Variants in BDP1 observed in about 807,000 individuals in gnomAD.
The protein encoded by BDP1 is BDP1 general transcription factor IIIB subunit, also known as transcription factor TFIIIB component B'' homolog.
BDP1 carries 169 observed loss-of-function variants against 266.6 expected under a neutral mutation model. That is an observed-to-expected ratio of 0.63 (90% CI 0.56 to 0.72). The LOEUF (loss-of-function observed/expected upper bound fraction) is 0.72. BDP1 is among the 30% of genes least tolerant of loss of function. The pLI is 0.00. For synonymous variants in BDP1, 1,090 were observed against 1,022.4 expected (o/e 1.07, Z -1.26); for missense variants, 3,015 against 3,053.8 (o/e 0.99, Z 0.30).
intron 5 of BDP1, among the ~76,000 whole-genome samples, chr5:71,466,922 G>A (rs559363255): frequency 6.6e-6 from 1 of 152,226 alleles, no homozygotes; most frequent in East Asian, 1.9e-4. Flanking sequence ...AGTTTGTGAT[G>A]ATGATTTTAC....
the BDP1 span, among the ~76,000 whole-genome samples, chr5:71,575,452 T>C: frequency 6.6e-6 from 1 of 152,194 alleles, no homozygotes; most frequent in Non-Finnish European, 1.5e-5. Flanking sequence ...GCAGGACACA[T>C]AGAGGAGTCA....
chr5:71,560,595 AAAT>A (rs1453608681), intron 37 of BDP1, among the ~76,000 whole-genome samples: 1 of 152,232 alleles, frequency 6.6e-6, no homozygotes, highest in African/African-American at 2.4e-5. Context: ...CTGAAGTCCC[AAAT>A]AATGTGTCAT....
At position 71,478,111 on chromosome 5, in the gene BDP1, G is replaced by A. The variant is rs528035577; in HGVS notation, c.1015-5731G>A. Among the ~76,000 whole-genome samples the A allele has an allele frequency of 1.3e-4, 20 of 152,236 alleles. No homozygotes were observed. In the South Asian group the frequency reaches 2.5e-3, roughly 19 times the overall value. ...ACTAAAAATACAAAATTAGCCAGGC[G>A]TGGTGGCACATGCCTGTAATCCCAG... is the stretch of plus-strand genomic sequence containing the variant. On this transcript the variant is annotated intron_variant, in intron 7 of 38. Transcript: ENST00000358731.
At chr5:71,481,047 G>A (rs1182733988) in intron 7 of BDP1, among the ~76,000 whole-genome samples, 7 of 151,902 alleles carry the variant, frequency 4.6e-5, no homozygotes, top group Non-Finnish European at 8.8e-5. Context: ...GGTGGCGTGC[G>A]CCTGTAGTCC....
intron 35 of BDP1, 141 bp downstream of exon 35, chr5:71,553,461 G>T: frequency 1.7e-6 from 1 of 580,394 alleles, no homozygotes; most frequent in Non-Finnish European, 2.9e-6. Flanking sequence ...ATCATCATAA[G>T]TTATTCAAGT....
At chr5:71,553,385 C>G (rs1742993989) in intron 35 of BDP1, 65 bp downstream of exon 35, 3 of 1,123,118 alleles carry the variant, frequency 2.7e-6, no homozygotes, top group South Asian at 1.5e-5. Flanking sequence ...TGCAACAGAT[C>G]TGTTCCTATT....
chr5:71,484,871 C>CATTAT (rs1488467259), intron 8 of BDP1, among the ~76,000 whole-genome samples: 1 of 151,956 alleles, frequency 6.6e-6, no homozygotes, highest in Admixed American at 6.6e-5. Flanking sequence ...AGAGTACCTA[C>CATTAT]ATTATGTAGC....
At chr5:71,578,247 C>T in the BDP1 span, among the ~76,000 whole-genome samples, 1 of 152,158 alleles carries the variant, frequency 6.6e-6, no homozygotes, top group South Asian at 2.1e-4. Flanking sequence ...GGGCCCTTGT[C>T]CACTAGAGGC....
At chr5:71,555,396 G>C (rs1278548304) in intron 35 of BDP1, among the ~76,000 whole-genome samples, 1 of 150,968 alleles carries the variant, frequency 6.6e-6, no homozygotes, top group Admixed American at 6.6e-5. Flanking sequence ...ATTTGTTCTG[G>C]GGCCAGTATC....
intron 11 of BDP1, among the ~76,000 whole-genome samples, chr5:71,491,747 G>T (rs1763611086): frequency 6.6e-6 from 1 of 151,852 alleles, no homozygotes; most frequent in South Asian, 2.1e-4. Context: ...AGATGGGGTC[G>T]GTCTCTGTCA....
Position 71,512,418 on chromosome 5 carries a change from A to T in BDP1, c.4237A>T (p.Ile1413Phe). 1 of 1,538,654 alleles carries T rather than the reference A, an allele frequency of 6.5e-7. No individual in the cohort carries two copies. The change falls in exon 18 of 39, where the codon ATT becomes TTT. Residue 1413 changes from isoleucine to phenylalanine, a missense_variant. Ile to Phe is a conservative substitution (Grantham distance 21). Coordinates refer to ENST00000358731, the MANE Select transcript of BDP1 (RefSeq NM_018429.3). ...AGATGTTCCAGAGCAGTTTTCAGAT[A>T]TTAATTTAAGGTACAAGTGTGTTTT... ...SPDVPEQFSD[I>F]NLSKSLPQEQ...
intron 17 of BDP1, 190 bp downstream of exon 17, chr5:71,511,341 C>A (rs1241860320): frequency 1.6e-6 from 1 of 622,918 alleles, no homozygotes; most frequent in Non-Finnish European, 2.7e-6. Context: ...AAAAAGATAA[C>A]TTTAGGCTGG....
chr5:71,462,123 C>T (rs374906110), intron 3 of BDP1, among the ~76,000 whole-genome samples, 197 bp downstream of exon 3: 3 of 151,942 alleles, frequency 2.0e-5, no homozygotes, highest in Non-Finnish European at 4.4e-5. Context: ...CCACCACACC[C>T]GGCTAATTTT....
In BDP1 at chr5:71,514,882, T is replaced by C; in HGVS notation, c.4471-62T>C. ...CGAAGATGATATCAGTTTATACTTG[T>C]AAAGTTCTTATTTCCTTATACTTTT... On this transcript the variant is annotated intron_variant, in intron 19 of 38. Coordinates refer to ENST00000358731, the MANE Select transcript of BDP1 (RefSeq NM_018429.3). 6 of 1,211,590 alleles carry C rather than the reference T, an allele frequency of 5.0e-6. No homozygotes were observed. The South Asian group carries it at 8.6e-5, about 17-fold the overall frequency. 75.1% of individuals were successfully genotyped at this position (1,211,590 alleles called of 1,614,324 possible).
chr5:71,536,043 T>C (rs1766577054), intron 26 of BDP1, among the ~76,000 whole-genome samples: 1 of 152,230 alleles, frequency 6.6e-6, no homozygotes, highest in Admixed American at 6.5e-5. Flanking sequence ...TATTTCTTTT[T>C]CTTGCCTAAC....
At position 71,458,852 on chromosome 5, in the gene BDP1, G is replaced by A; in HGVS notation, c.486G>A (p.Glu162=). ...REMLKEELRK[E]KKQWKNKYAI... ...TGTTAAAAGAAGAATTGAGAAAAGAGAAGGTAAGGGAGGAGAATCAGGATT... is the reference window on the plus strand; with the variant it reads ...TGTTAAAAGAAGAATTGAGAAAAGAAAAGGTAAGGGAGGAGAATCAGGATT... The change falls in exon 2 of 39, where the codon GAG becomes GAA. Residue 162 remains glutamate, a synonymous_variant. Transcript: ENST00000358731. The A allele has an allele frequency of 3.7e-6, 6 of 1,605,380 alleles. No individual in the cohort carries two copies. The highest frequency in any genetic ancestry group is 5.1e-6 in the Non-Finnish European group (6 of 1,177,694).
At position 71,515,035 on chromosome 5, in the gene BDP1, G is replaced by GGA; in HGVS notation, c.4563_4564dup (p.Asn1522ArgfsTer34). 6.2e-7 allele frequency: 1 copy of GGA among 1,613,132 alleles called. No individual in the cohort carries two copies. Among genetic ancestry groups the GGA allele is most frequent in the Non-Finnish European group, 8.5e-7 (1 of 1,179,588 alleles). ...ATATTGCCATGTACACAGACTGAAAGGAACCTTTCACCTTCAAATTCTTGT... is the reference window on the plus strand; with the variant it reads ...ATATTGCCATGTACACAGACTGAAAGGAGAACCTTTCACCTTCAAATTCTTGT... On this transcript the variant is annotated frameshift_variant, in exon 20 of 39. Transcript: ENST00000358731. LOFTEE classifies it high-confidence loss of function.
intron 16 of BDP1, among the ~76,000 whole-genome samples, chr5:71,508,872 T>G (rs1418086783): frequency 5.3e-5 from 8 of 152,252 alleles, no homozygotes; most frequent in Admixed American, 5.2e-4. Flanking sequence ...TATTATTGTG[T>G]ATTTGGTCTG....
At chr5:71,564,713 A>G in intron 38 of BDP1, 41 bp from the exon 39 acceptor site, 2 of 1,513,122 alleles carry the variant, frequency 1.3e-6, no homozygotes, top group Non-Finnish European at 1.8e-6. Flanking sequence ...TAAATGTTGT[A>G]TTACAGTTTT....
Sources: gnomAD v4.1 joint callset for allele counts (sites outside exome capture counted in the v4.1 genomes callset) on GRCh38, gnomAD v4.1.1 for gene constraint, MANE v1.5 for transcripts, NCBI Gene and HGNC (gene_info 2026-07-23, HGNC 2026-07-21) for gene names.